The following GRHL1 variants were observed in gnomAD, a reference collection of about 807,000 sequenced individuals.
GRHL1 encodes the protein grainyhead-like protein 1 homolog.
In GRHL1, 38 loss-of-function variants were observed where a neutral mutation model predicts 75.7. The observed-to-expected ratio is 0.50, with a 90% confidence interval of 0.39 to 0.66. The LOEUF is 0.66. GRHL1 is among the 30% of genes least tolerant of loss of function. The pLI is 0.00. For synonymous variants in GRHL1, 266 were observed against 279.4 expected (o/e 0.95, Z 0.48); for missense variants, 589 against 767.5 (o/e 0.77, Z 2.75).
Position 9,992,017 on chromosome 2 carries a change from T to G in GRHL1, c.1332T>G (p.Val444=). The G allele has an allele frequency of 1.9e-6, 3 of 1,595,866 alleles. No homozygotes were observed. Among genetic ancestry groups the G allele is most frequent in the Non-Finnish European group, 2.6e-6 (3 of 1,170,570 alleles). ...TTTTTTTTTTTTCAGTTTCTGATGT[T>G]AAAGTGCCACTGCTTCCCTCTCACA... ...RKQSKRKVSD[V]KVPLLPSHKR... is the part of the protein sequence containing the mutation. Residue 444 remains valine (V), a synonymous_variant, in exon 11 of 16, where the codon GTT becomes GTG. Coordinates refer to ENST00000324907, the MANE Select transcript of GRHL1 (RefSeq NM_198182.3). The surrounding 1 kb of genome is among the most constrained non-coding windows in gnomAD (Gnocchi z 4.6).
intron 8 of GRHL1, among the ~76,000 whole-genome samples, chr2:9,969,302 A>G (rs1228755181): frequency 6.6e-6 from 1 of 152,196 alleles, no homozygotes; most frequent in Non-Finnish European, 1.5e-5. Flanking sequence ...ACCTATGTCC[A>G]TAGTTAGTGG....
intron 8 of GRHL1, among the ~76,000 whole-genome samples, chr2:9,978,313 G>A (rs1224461808): frequency 2.6e-5 from 4 of 152,156 alleles, no homozygotes; most frequent in Non-Finnish European, 5.9e-5. Flanking sequence ...GATTCCCTTT[G>A]GGCAGATGAG....
chr2:9,958,542 T>C (rs908215422), intron 2 of GRHL1, among the ~76,000 whole-genome samples: 2 of 152,074 alleles, frequency 1.3e-5, no homozygotes, highest in Non-Finnish European at 2.9e-5. Flanking sequence ...AAATTTATCA[T>C]GCCCTGAGTT....
At position 9,972,285 on chromosome 2, in the gene GRHL1, A is replaced by G. The variant is rs142056279; in HGVS notation, c.1110+6904A>G. 1.4e-3 allele frequency among the ~76,000 whole-genome samples: 212 copies of G among 149,460 alleles called. 1 individual carries two copies. Among genetic ancestry groups the G allele is most frequent in the African/African-American group, 5.0e-3 (202 of 40,456 alleles). On this transcript the variant is annotated intron_variant, in intron 8 of 15. Transcript: ENST00000324907. ...CCTCTATAGAACTTTCTTTTTTGAC[A>G]GCTTGTCACCTTAACCCTCCTTCTC... is the stretch of plus-strand genomic sequence containing the variant.
At chr2:9,991,659 A>G (rs1230614022) in intron 10 of GRHL1, among the ~76,000 whole-genome samples, 1 of 152,202 alleles carries the variant, frequency 6.6e-6, no homozygotes, top group Non-Finnish European at 1.5e-5. Context: ...CTGAGGTGAA[A>G]TTTCTTCCAA....
chr2:9,955,036 A>G lies in GRHL1; in HGVS notation c.142A>G (p.Met48Val), dbSNP rs764534062. 4 of 1,613,828 alleles carry G rather than the reference A, an allele frequency of 2.5e-6. No homozygotes were observed. The highest frequency in any genetic ancestry group is 3.4e-6 in the Non-Finnish European group (4 of 1,179,680). Residue 48 changes from methionine (M) to valine (V), a missense_variant, in exon 2 of 16, where the codon ATG becomes GTG. Physicochemically the swap from Met to Val is conservative, Grantham distance 21. Transcript: ENST00000324907. The part of the protein sequence containing the change: ...ENPLTAATKA[M>V]MSINGDEDSA... The stretch of plus-strand genomic sequence containing the variant: ...CCCTCTCACTGCAGCGACCAAAGCG[A>G]TGATGAGCATCAATGGAGATGAAGA...
intron 8 of GRHL1, among the ~76,000 whole-genome samples, chr2:9,972,851 G>A (rs190366162): frequency 3.9e-5 from 6 of 152,324 alleles, no homozygotes; most frequent in Admixed American, 3.3e-4. Context: ...GGAGAACCGT[G>A]TGCAGGTACC....
At position 9,989,705 on chromosome 2, in the gene GRHL1, C is replaced by T. The variant is rs138330125; in HGVS notation, c.1270-991C>T. 1.1e-3 allele frequency among the ~76,000 whole-genome samples: 169 copies of T among 152,206 alleles called. 1 individual carries two copies. Among genetic ancestry groups the T allele is most frequent in the African/African-American group, 3.9e-3 (160 of 41,518 alleles). On this transcript the variant is annotated intron_variant, in intron 9 of 15. Transcript: ENST00000324907. ...CTGGGATTACAGGCATGCATCACCA[C>T]GCCCGGCTAAATTTTTTGTATTTTT...
chr2:9,957,227 G>C (rs926513795), intron 2 of GRHL1, among the ~76,000 whole-genome samples: 3 of 151,892 alleles, frequency 2.0e-5, no homozygotes, highest in Non-Finnish European at 4.4e-5. Flanking sequence ...CTGGCCTCAG[G>C]TAATCTTCCT....
chr2:9,998,287 G>A (rs957730832), intron 14 of GRHL1, among the ~76,000 whole-genome samples: 4 of 151,544 alleles, frequency 2.6e-5, no homozygotes, highest in African/African-American at 9.7e-5. Flanking sequence ...AAGGAAGACA[G>A]CCACAGCTCC....
intron 4 of GRHL1, among the ~76,000 whole-genome samples, chr2:9,961,991 T>G (rs1667300396): frequency 1.3e-5 from 2 of 152,114 alleles, no homozygotes; most frequent in African/African-American, 4.8e-5. Context: ...CTTGGTGGGG[T>G]AAAGAGCATC....
At position 9,987,216 on chromosome 2, in the gene GRHL1, G is replaced by A. The variant is rs551396900; in HGVS notation, c.1269+934G>A. ...TTGAATTCCTGGCCTCATGTGATGC[G>A]CCCACTTTGGCTTCCCAAAGTGCTG... is the stretch of plus-strand genomic sequence containing the variant. On this transcript the variant is annotated intron_variant, in intron 9 of 15. Coordinates refer to ENST00000324907, the MANE Select transcript of GRHL1 (RefSeq NM_198182.3). The surrounding 1 kb of genome is among the most constrained non-coding windows in gnomAD (Gnocchi z 4.2). Among the ~76,000 whole-genome samples the A allele has an allele frequency of 4.6e-5, 7 of 152,186 alleles. No homozygotes were observed. Among genetic ancestry groups the A allele is most frequent in the East Asian group, 1.9e-4 (1 of 5,166 alleles).
At position 9,968,776 on chromosome 2, in the gene GRHL1, C is replaced by T. The variant is rs562124230; in HGVS notation, c.1110+3395C>T. Among the ~76,000 whole-genome samples the T allele has an allele frequency of 3.3e-5, 5 of 152,190 alleles. No individual in the cohort carries two copies. The highest frequency in any genetic ancestry group is 3.9e-4 in the East Asian group (2 of 5,160). Reference sequence around the variant, plus strand: ...GGATCAACATTTTCTCTGGAGCCAGCGATGCAGCTTTGCAGGAATTCAGAA... The same window carrying T: ...GGATCAACATTTTCTCTGGAGCCAGTGATGCAGCTTTGCAGGAATTCAGAA... On this transcript the variant is annotated intron_variant, in intron 8 of 15. Coordinates refer to ENST00000324907, the MANE Select transcript of GRHL1 (RefSeq NM_198182.3). The surrounding 1 kb of genome is among the most constrained non-coding windows in gnomAD (Gnocchi z 4.7).
At chr2:9,961,801 A>G (rs1667289098) in intron 4 of GRHL1, among the ~76,000 whole-genome samples, 1 of 152,182 alleles carries the variant, frequency 6.6e-6, no homozygotes. Flanking sequence ...GAGCTCATAT[A>G]AAATGAGTTA....
At position 9,968,295 on chromosome 2, in the gene GRHL1, A is replaced by G. The variant is rs1667571817; in HGVS notation, c.1110+2914A>G. On this transcript the variant is annotated intron_variant, in intron 8 of 15. Coordinates refer to ENST00000324907, the MANE Select transcript of GRHL1 (RefSeq NM_198182.3). The surrounding 1 kb of genome is among the most constrained non-coding windows in gnomAD (Gnocchi z 4.7). ...CATGGAAACTTTCGGAAGTTTTGGAACTTGTGAAAATTTGTTCGTTTTCAA... is the reference window on the plus strand; with the variant it reads ...CATGGAAACTTTCGGAAGTTTTGGAGCTTGTGAAAATTTGTTCGTTTTCAA... Among the ~76,000 whole-genome samples the G allele has an allele frequency of 6.6e-6, 1 of 152,250 alleles. No individual in the cohort carries two copies. The highest frequency in any genetic ancestry group is 6.5e-5 in the Admixed American group (1 of 15,284).
intron 8 of GRHL1, among the ~76,000 whole-genome samples, chr2:9,981,564 C>T (rs1259723700): frequency 2.0e-5 from 3 of 152,208 alleles, no homozygotes; most frequent in South Asian, 4.1e-4. Context: ...CACTCATATC[C>T]GTGGCTGCTT....
intron 8 of GRHL1, chr2:9,965,874 G>A (rs1667471094): frequency 6.5e-6 from 1 of 152,680 alleles, no homozygotes; most frequent in African/African-American, 2.4e-5. Context: ...TTTTCCCATT[G>A]AAGAGTTGCC....
intron 8 of GRHL1, chr2:9,966,520 G>C (rs1572347173): frequency 6.6e-6 from 1 of 152,164 alleles, no homozygotes; most frequent in East Asian, 1.9e-4. Context: ...CAGAGACCTG[G>C]TAGAAAGAAG....
chr2:9,982,949 C>A (rs1327155660), intron 8 of GRHL1, among the ~76,000 whole-genome samples: 1 of 152,108 alleles, frequency 6.6e-6, no homozygotes, highest in African/African-American at 2.4e-5. Flanking sequence ...ACGAACTCAC[C>A]CTGCCCTTTG....
Sources: allele counts gnomAD v4.1 joint callset (sites outside exome capture counted in the v4.1 genomes callset), GRCh38; gene constraint gnomAD v4.1.1; non-coding constraint Gnocchi (gnomAD v3.1); transcripts MANE v1.5; gene names NCBI Gene and HGNC (gene_info 2026-07-23, HGNC 2026-07-21).